AKAP13: variants seen among roughly 807,000 people sequenced by gnomAD.
AKAP13 encodes A-kinase anchor protein 13.
A neutral mutation model predicts 264.5 loss-of-function variants in AKAP13; 80 were observed. The observed-to-expected ratio is 0.30, with a 90% confidence interval of 0.25 to 0.36. The LOEUF (loss-of-function observed/expected upper bound fraction) is 0.36. Among genes scored for constraint, AKAP13 ranks in the 10% least tolerant of loss-of-function variants. The pLI, the probability that AKAP13 is intolerant of heterozygous loss-of-function variation, is 1.00. For synonymous variants in AKAP13, 1,380 were observed against 1,250.2 expected, an observed-to-expected ratio of 1.10 and a Z score of -2.19; for missense variants, 3,712 against 3,435.2, an observed-to-expected ratio of 1.08 and a Z score of -2.01.
chr15:85,555,130 C>T (rs772246580), intron 5 of AKAP13, among the ~76,000 whole-genome samples: 1 of 151,978 alleles, frequency 6.6e-6, no homozygotes, highest in Non-Finnish European at 1.5e-5. Context: ...CATAACTAGC[C>T]TAGCAGCGAG....
intron 12 of AKAP13, among the ~76,000 whole-genome samples, chr15:85,659,716 G>A (rs962924673): frequency 7.9e-6 from 1 of 126,158 alleles, no homozygotes; most frequent in East Asian, 2.0e-4. Context: ...GATGCAGTCT[G>A]AGTTAGTGTA....
chr15:85,431,115 G>T (rs2073006961), intron 1 of AKAP13, among the ~76,000 whole-genome samples: 1 of 152,180 alleles, frequency 6.6e-6, no homozygotes, highest in Non-Finnish European at 1.5e-5. Flanking sequence ...TGATTCCAGA[G>T]AATGGAATAA....
chr15:85,541,431 A>C (rs1304414887), intron 4 of AKAP13, among the ~76,000 whole-genome samples: 1 of 152,168 alleles, frequency 6.6e-6, no homozygotes, highest in African/African-American at 2.4e-5. Context: ...TCTTTGAACT[A>C]TGTGTATGTT....
rs1393402881 is a variant in AKAP13 at position 85,381,036 on chromosome 15, C to G, written c.-12+238C>G. ...CTTCTCCCGCATTGTCTGCTTGGGG[C>G]TCGGCGCGCCTCCCACTCCGCAGCC... On this transcript the variant is annotated intron_variant, in intron 1 of 36. Transcript: ENST00000394518. 4.6e-5 allele frequency among the ~76,000 whole-genome samples: 7 copies of G among 152,172 alleles called. No individual in the cohort carries two copies. In the East Asian group the frequency reaches 7.8e-4, roughly 17 times the overall value.
chr15:85,743,598 A>C lies in AKAP13; in HGVS notation c.8165A>C (p.Asp2722Ala). Residue 2722 changes from aspartate (D) to alanine (A), a missense_variant, in exon 36 of 37, where the codon GAC becomes GCC. By Grantham distance (126) the Asp-to-Ala change is moderately radical (BLOSUM62 -2). This residue lies in a region of AKAP13 where 611 missense variants were observed against 539.3 expected (regional missense o/e 1.13). Transcript: ENST00000394518. Reference protein sequence around the residue: ...APSIAKSGSLDSELSVSPKRN... With the variant: ...APSIAKSGSLASELSVSPKRN... ...TCCATAGCCAAATCAGGGTCATTGG[A>C]CTCAGAACTTTCAGTGTCCCCAAAA... 6.2e-7 allele frequency: 1 copy of C among 1,613,994 alleles called. No homozygotes were observed. Among genetic ancestry groups the C allele is most frequent in the Non-Finnish European group, 8.5e-7 (1 of 1,180,002 alleles).
chr15:85,487,598 C>T (rs1385042489), intron 2 of AKAP13, among the ~76,000 whole-genome samples: 1 of 152,206 alleles, frequency 6.6e-6, no homozygotes, highest in African/African-American at 2.4e-5. Flanking sequence ...TGGGGCCTTG[C>T]TCTGTCACCC....
intron 9 of AKAP13, among the ~76,000 whole-genome samples, chr15:85,645,435 G>T (rs2082510671): frequency 6.6e-6 from 1 of 152,146 alleles, no homozygotes; most frequent in Admixed American, 6.5e-5. Flanking sequence ...GCTAGTAAAA[G>T]ACTTTGGATT....
Position 85,727,034 on chromosome 15 carries a change from T to C in AKAP13, c.6823-32T>C. On this transcript the variant is annotated intron_variant, in intron 27 of 36. Transcript: ENST00000394518. This position sits in a 1 kb window ranked among gnomAD's most constrained non-coding sequence, Gnocchi z 5.3. ...CTTCAGAGTTAGAATATTGTATATG[T>C]ATCTTTTATTTGCCCTCTTCCCTTT... 3.7e-6 allele frequency: 6 copies of C among 1,612,096 alleles called. No individual in the cohort carries two copies. Among genetic ancestry groups the C allele is most frequent in the Non-Finnish European group, 4.2e-6 (5 of 1,178,340 alleles).
At chr15:85,454,551 G>T (rs2074214960) in intron 1 of AKAP13, among the ~76,000 whole-genome samples, 1 of 152,012 alleles carries the variant, frequency 6.6e-6, no homozygotes, top group African/African-American at 2.4e-5. Flanking sequence ...TGAAGGTGTT[G>T]TATTTACTCA....
chr15:85,550,960 C>T (rs574475994), intron 5 of AKAP13, among the ~76,000 whole-genome samples: 4 of 152,292 alleles, frequency 2.6e-5, no homozygotes, highest in South Asian at 2.1e-4. Flanking sequence ...GCTTTACTTG[C>T]GTTTTCATTT....
chr15:85,633,366 G>T (rs1481216645), intron 8 of AKAP13, among the ~76,000 whole-genome samples: 1 of 119,766 alleles, frequency 8.3e-6, no homozygotes, highest in African/African-American at 3.6e-5. Context: ...GAATAATAGG[G>T]GCGGGGGGGG....
At chr15:85,530,643 A>G (rs2077215018) in intron 3 of AKAP13, among the ~76,000 whole-genome samples, 1 of 152,206 alleles carries the variant, frequency 6.6e-6, no homozygotes, top group East Asian at 1.9e-4. Context: ...ACCTCAAAGG[A>G]CTTTCAGAAG....
chr15:85,473,099 T>C (rs1165317303), intron 1 of AKAP13, among the ~76,000 whole-genome samples: 2 of 152,230 alleles, frequency 1.3e-5, no homozygotes, highest in African/African-American at 4.8e-5. Flanking sequence ...TTGGTCATAA[T>C]AAGCACATAA....
intron 1 of AKAP13, among the ~76,000 whole-genome samples, chr15:85,479,302 T>G (rs1222710044): frequency 6.6e-6 from 1 of 152,196 alleles, no homozygotes; most frequent in Non-Finnish European, 1.5e-5. Context: ...GATCCTGTTA[T>G]TTTCCTGGAG....
chr15:85,604,885 A>G (rs1220238439), intron 8 of AKAP13, among the ~76,000 whole-genome samples: 2 of 152,210 alleles, frequency 1.3e-5, no homozygotes, highest in Non-Finnish European at 2.9e-5. Flanking sequence ...GTTCTTCTTA[A>G]CAATAAACCA....
chr15:85,643,646 C>A lies in AKAP13; in HGVS notation c.4238-2172C>A, dbSNP rs1055317801. Among the ~76,000 whole-genome samples, 3 of 152,100 alleles carry A rather than the reference C, an allele frequency of 2.0e-5. 1 individual carries two copies. In the South Asian group the frequency reaches 6.2e-4, roughly 32 times the overall value. The stretch of plus-strand genomic sequence containing the variant: ...ACATAGTCATTCTGTGTTCCAAAAC[C>A]CTTCTGGTAAAGTGATAGTCATTAC... On this transcript the variant is annotated intron_variant, in intron 9 of 36. Coordinates refer to ENST00000394518, the MANE Select transcript of AKAP13 (RefSeq NM_007200.5).
At chr15:85,671,004 G>A (rs1476885162) in intron 14 of AKAP13, 1 of 151,948 alleles carries the variant, frequency 6.6e-6, no homozygotes, top group Non-Finnish European at 1.5e-5. Flanking sequence ...TAGTTGCTGT[G>A]TGGGATCTGG....
At chr15:85,531,772 C>T (rs1057103953) in intron 3 of AKAP13, among the ~76,000 whole-genome samples, 3 of 152,186 alleles carry the variant, frequency 2.0e-5, no homozygotes, top group South Asian at 2.1e-4. Context: ...GTGGGAGTAT[C>T]GTGTGGATTC....
At chr15:85,648,626 C>G (rs2082667272) in intron 10 of AKAP13, among the ~76,000 whole-genome samples, 2 of 151,890 alleles carry the variant, frequency 1.3e-5, no homozygotes, top group African/African-American at 4.8e-5. Flanking sequence ...TCACTTGAGT[C>G]AAGGAGTTTG....
Sources: gnomAD v4.1 joint callset for allele counts (sites outside exome capture counted in the v4.1 genomes callset) on GRCh38, gnomAD v4.1.1 for gene constraint, gnomAD v4.1.1 regional missense constraint, Gnocchi (gnomAD v3.1) non-coding constraint, MANE v1.5 for transcripts, NCBI Gene and HGNC (gene_info 2026-07-23, HGNC 2026-07-21) for gene names.